ACOX1: variants seen among roughly 807,000 people sequenced by gnomAD.
ACOX1 encodes the protein acyl-CoA oxidase 1.
A neutral mutation model predicts 75.5 loss-of-function variants in ACOX1; 41 were observed. The observed-to-expected ratio is 0.54, with a 90% CI of 0.42 to 0.70. The LOEUF (loss-of-function observed/expected upper bound fraction) is 0.70, where lower values mean the gene tolerates loss of function less well. Ranked by LOEUF, ACOX1 falls within the 30% of genes least tolerant of loss-of-function variation. The probability of loss-of-function intolerance (pLI) is 0.00; values close to 1 mark genes in which losing one functional copy is unlikely to be tolerated. For missense variants in ACOX1, 630 were observed against 837.5 expected (o/e 0.75, Z 3.06); for synonymous variants, 303 against 298.8 (o/e 1.01, Z -0.15).
At chr17:75,949,955 G>A in intron 9 of ACOX1, 58 bp from the exon 10 acceptor site, 2 of 1,592,266 alleles carry the variant, frequency 1.3e-6, no homozygotes, top group Non-Finnish European at 1.7e-6. Flanking sequence ...TTTCTTTTGA[G>A]ATGGAGTTTC....
intron 2 of ACOX1, among the ~76,000 whole-genome samples, chr17:75,965,863 C>T (rs982247864): frequency 4.6e-5 from 7 of 151,876 alleles, no homozygotes; most frequent in African/African-American, 1.7e-4. Flanking sequence ...GGCCCAGTGG[C>T]TCACTCCTGT....
intron 3 of ACOX1, among the ~76,000 whole-genome samples, chr17:75,958,898 A>G (rs2144268267): frequency 6.6e-6 from 1 of 152,252 alleles, no homozygotes; most frequent in Non-Finnish European, 1.5e-5. Flanking sequence ...AGGTCCAATA[A>G]TAAGGTCTCA....
chr17:75,953,178 T>C, intron 7 of ACOX1: 1 of 356,920 alleles, frequency 2.8e-6, no homozygotes, highest in Non-Finnish European at 5.4e-6. Flanking sequence ...GTTCAAGTAA[T>C]ATTATTACTA....
intron 8 of ACOX1, 42 bp from the exon 9 acceptor site, chr17:75,951,006 TGA>T: frequency 1.2e-6 from 2 of 1,600,172 alleles, no homozygotes; most frequent in African/African-American, 1.3e-5. Flanking sequence ...TCTGTGGTGC[TGA>T]GAGCCCGAGA....
At chr17:75,965,014 TGAGAAAA>T (rs1460546683) in intron 2 of ACOX1, among the ~76,000 whole-genome samples, 3 of 152,004 alleles carry the variant, frequency 2.0e-5, no homozygotes, top group Non-Finnish European at 4.4e-5. Flanking sequence ...ATAAGTGAAT[TGAGAAAA>T]GCTGCAGGCT....
rs375850910 is a variant in ACOX1, at chr17:75,968,821, C to T, written c.270-8446G>A. Among the ~76,000 whole-genome samples, 30 of 151,076 alleles carry T rather than the reference C, an allele frequency of 2.0e-4. No individual in the cohort carries two copies. In the East Asian group the frequency reaches 5.9e-3, roughly 30 times the overall value. ...CCTGTAATCCCAGCTACTCAGGAGG[C>T]CGAGGGAGGAGAATCGCTTGAATGC... is the stretch of plus-strand genomic sequence containing the variant. On this transcript the variant is annotated intron_variant, in intron 2 of 13. Transcript: ENST00000293217.
At chr17:75,959,870 G>A (rs771921461) in intron 3 of ACOX1, among the ~76,000 whole-genome samples, 1 of 152,138 alleles carries the variant, frequency 6.6e-6, no homozygotes, top group Non-Finnish European at 1.5e-5. Flanking sequence ...AAGGTAATCA[G>A]ATAGTAATGA....
At position 75,944,697 on chromosome 17, in the gene ACOX1, A is replaced by C. The variant is rs2065704081; in HGVS notation, c.*2051T>G. 1 of 152,206 alleles carries C rather than the reference A, an allele frequency of 6.6e-6. No individual in the cohort carries two copies. The highest frequency in any genetic ancestry group is 6.6e-5 in the Admixed American group (1 of 15,262). The allele number at this position is 152,206 out of a possible 1,614,324, so 9.4% of individuals were successfully genotyped here. On this transcript the variant is annotated 3_prime_UTR_variant, in exon 14 of 14. Coordinates refer to ENST00000293217, the MANE Select transcript of ACOX1 (RefSeq NM_004035.7). ...TCTTGATTATATTGAATAAAGTTCA[A>C]GACAGAACATTCCAATATTAATAAA... is the stretch of plus-strand genomic sequence containing the variant.
At chr17:75,949,688 GC>G (rs758806297) in intron 10 of ACOX1, 29 bp downstream of exon 10, 3 of 1,614,000 alleles carry the variant, frequency 1.9e-6, no homozygotes, top group Non-Finnish European at 2.5e-6. Flanking sequence ...CCCCACTGCT[GC>G]GTATTCTAGC....
At chr17:75,977,390 A>AC (rs1328663121) in intron 2 of ACOX1, among the ~76,000 whole-genome samples, 2 of 149,762 alleles carry the variant, frequency 1.3e-5, no homozygotes, top group African/African-American at 4.9e-5. Flanking sequence ...ACATGGCGAA[A>AC]CCCCATCTCT....
chr17:75,949,506 G>A lies in ACOX1; in HGVS notation c.1573C>T (p.Arg525Ter), dbSNP rs771228961. Residue 525 changes from arginine (R) to a stop codon, truncating the protein, a stop_gained, in exon 11 of 14, where the codon CGA becomes TGA. Transcript: ENST00000293217. LOFTEE classifies it high-confidence loss of function. ...GAACTACCACTGACCTCACTTGCTC[G>A]AACAAGGTCAACAGAAGTTAGGTTC... ...AWNLTSVDLV[R>*]ASEAHCHYVV... is the part of the protein sequence containing the mutation. 1.9e-6 allele frequency: 3 copies of A among 1,614,126 alleles called. No homozygotes were observed. Among genetic ancestry groups the A allele is most frequent in the South Asian group, 1.1e-5 (1 of 91,070 alleles).
intron 2 of ACOX1, among the ~76,000 whole-genome samples, chr17:75,964,394 T>G (rs550065359): frequency 6.6e-6 from 1 of 152,134 alleles, no homozygotes; most frequent in African/African-American, 2.4e-5. Context: ...TTATGGAAGG[T>G]TATTTTACTT....
chr17:75,961,533 G>A (rs1473763337), intron 2 of ACOX1, among the ~76,000 whole-genome samples: 1 of 150,614 alleles, frequency 6.6e-6, no homozygotes, highest in Admixed American at 6.6e-5. Context: ...ACTTTGAGAG[G>A]CCAAGGTGGG....
intron 2 of ACOX1, among the ~76,000 whole-genome samples, chr17:75,966,023 G>A (rs1013137613): frequency 2.6e-5 from 4 of 151,684 alleles, no homozygotes; most frequent in African/African-American, 4.8e-5. Flanking sequence ...CCAGCTACTC[G>A]GGAGGCTAAG....
chr17:75,970,048 G>A (rs1338281341), intron 2 of ACOX1, among the ~76,000 whole-genome samples: 1 of 151,898 alleles, frequency 6.6e-6, no homozygotes, highest in Non-Finnish European at 1.5e-5. Context: ...AGCCAGGTAT[G>A]GTGGTGCACA....
In ACOX1 at chr17:75,978,855, C is replaced by A. The variant is rs1381105181; in HGVS notation, c.109+110G>T. 5 of 1,597,730 alleles carry A rather than the reference C, an allele frequency of 3.1e-6. No homozygotes were observed. In the African/African-American group the frequency reaches 6.7e-5, roughly 21 times the overall value. The stretch of plus-strand genomic sequence containing the variant: ...GTTCCTCGAAGTGGGGGTCCCGGCT[C>A]CCCTAACGCTGGGCCAGAGGGCCTA... On this transcript the variant is annotated intron_variant, in intron 1 of 13. Transcript: ENST00000293217. The surrounding 1 kb of genome is among the most constrained non-coding windows in gnomAD (Gnocchi z 4.2).
At chr17:75,959,606 G>A (rs73355734) in intron 3 of ACOX1, among the ~76,000 whole-genome samples, 1 of 152,092 alleles carries the variant, frequency 6.6e-6, no homozygotes, top group Non-Finnish European at 1.5e-5. Flanking sequence ...GAAAGCAGGT[G>A]GGGGGTGGAA....
At chr17:75,952,160 A>G (rs1404151343) in intron 7 of ACOX1, among the ~76,000 whole-genome samples, 1 of 152,208 alleles carries the variant, frequency 6.6e-6, no homozygotes, top group Non-Finnish European at 1.5e-5. Context: ...AAAAAGCTCT[A>G]CTCACCAGAT....
At position 75,946,683 on chromosome 17, in the gene ACOX1, T is replaced by C; in HGVS notation, c.*65A>G. 1 of 1,443,762 alleles carries C rather than the reference T, an allele frequency of 6.9e-7. No individual in the cohort carries two copies. 89.4% of individuals were successfully genotyped at this position (1,443,762 alleles called of 1,614,324 possible). On this transcript the variant is annotated 3_prime_UTR_variant, in exon 14 of 14. Transcript: ENST00000293217. ...TATAGCTATTTGAATTCGAAAAAGATTCCACAAAATTTGAGTTGCACACAG... is the reference window on the plus strand; with the variant it reads ...TATAGCTATTTGAATTCGAAAAAGACTCCACAAAATTTGAGTTGCACACAG...
Sources: gnomAD v4.1 joint callset for allele counts (sites outside exome capture counted in the v4.1 genomes callset) on GRCh38, gnomAD v4.1.1 for gene constraint, Gnocchi (gnomAD v3.1) non-coding constraint, MANE v1.5 for transcripts, NCBI Gene and HGNC (gene_info 2026-07-23, HGNC 2026-07-21) for gene names.